Variants in TRIM5 observed in about 807,000 individuals in gnomAD.
TRIM5 encodes the protein tripartite motif containing 5.
TRIM5 carries 31 observed loss-of-function variants against 35.6 expected under a neutral mutation model. That is an observed-to-expected ratio of 0.87 (90% CI 0.65 to 1.18). The LOEUF is 1.18. Among genes scored for constraint, TRIM5 ranks in the 50% most tolerant of loss-of-function variants. TRIM5 has a pLI of 0.00. For synonymous variants in TRIM5, 243 were observed against 215.6 expected, an observed-to-expected ratio of 1.13 and a Z score of -1.11; for missense variants, 609 against 591.6, an observed-to-expected ratio of 1.03 and a Z score of -0.31.
At chr11:5,667,083 C>G (rs557611720) in intron 5 of TRIM5, among the ~76,000 whole-genome samples, 1 of 152,260 alleles carries the variant, frequency 6.6e-6, no homozygotes, top group Admixed American at 6.5e-5. Context: ...GGTGATGGCG[C>G]AGGGGTCCAA....
chr11:5,662,033 C>T (rs1850844790), downstream of TRIM5, among the ~76,000 whole-genome samples: 1 of 152,186 alleles, frequency 6.6e-6, no homozygotes, highest in African/African-American at 2.4e-5. Context: ...AAGCCTCAAT[C>T]TTCATAGCAT....
Position 5,664,358 on chromosome 11 carries a change from T to TA in TRIM5, c.*450dup. 2.0e-6 allele frequency: 2 copies of TA among 993,108 alleles called. No individual in the cohort carries two copies. Among genetic ancestry groups the TA allele is most frequent in the Non-Finnish European group, 2.4e-6 (2 of 834,342 alleles). 61.5% of individuals were successfully genotyped at this position (993,108 alleles called of 1,614,324 possible). On this transcript the variant is annotated 3_prime_UTR_variant, in exon 8 of 8. Coordinates refer to ENST00000380034, the MANE Select transcript of TRIM5 (RefSeq NM_033034.3). The stretch of plus-strand genomic sequence containing the variant: ...ATACTTAAGAGTATACCATTTATGA[T>TA]ATTTTCTCTTTAACTCACAAATAAG...
chr11:5,668,589 A>G (rs1307905715), intron 4 of TRIM5, among the ~76,000 whole-genome samples: 1 of 151,790 alleles, frequency 6.6e-6, no homozygotes, highest in Non-Finnish European at 1.5e-5. Context: ...AGCTGGGATT[A>G]CTGGCGCCCA....
the TRIM5 span, chr11:5,605,373 G>C: frequency 6.2e-7 from 1 of 1,614,176 alleles, no homozygotes; most frequent in Admixed American, 1.7e-5. Context: ...GATCCAGACA[G>C]AGTTTAATCA....
At chr11:5,611,411 G>A in the TRIM5 span, 1 of 1,254,206 alleles carries the variant, frequency 8.0e-7, no homozygotes, top group East Asian at 2.3e-5. Flanking sequence ...TCTCCCTTCT[G>A]ATCTTCTGTT....
At chr11:5,644,884 G>A in the TRIM5 span, among the ~76,000 whole-genome samples, 65 of 152,218 alleles carry the variant, frequency 4.3e-4, no homozygotes, top group South Asian at 8.3e-4. Context: ...GGAGGGCCTC[G>A]CACCATCCCC....
At chr11:5,603,654 CA>C in the TRIM5 span, 28 of 1,613,318 alleles carry the variant, frequency 1.7e-5, 1 homozygote, top group Non-Finnish European at 1.6e-5. Flanking sequence ...ATGGGAAGGT[CA>C]TTTGCTGGCT....
chr11:5,605,582 G>A, the TRIM5 span: 4 of 1,607,822 alleles, frequency 2.5e-6, no homozygotes, highest in Admixed American at 3.4e-5. Context: ...GGCTTGTGAA[G>A]GAGCCCAGAT....
the TRIM5 span, among the ~76,000 whole-genome samples, chr11:5,653,332 G>A: frequency 6.6e-6 from 1 of 152,104 alleles, no homozygotes; most frequent in East Asian, 1.9e-4. Flanking sequence ...ATATGTGTTA[G>A]TCCTTGGGCT....
the TRIM5 span, among the ~76,000 whole-genome samples, chr11:5,650,990 C>T: frequency 2.6e-5 from 4 of 152,178 alleles, no homozygotes; most frequent in Admixed American, 6.5e-5. Context: ...ACGCCTGTAT[C>T]AACTGCAGAG....
chr11:5,679,499 T>G (rs544255309), intron 2 of TRIM5, among the ~76,000 whole-genome samples: 43 of 152,260 alleles, frequency 2.8e-4, no homozygotes, highest in Non-Finnish European at 5.9e-4. Context: ...GAGCTTTTCT[T>G]GGACACCAAA....
chr11:5,665,423 G>C, intron 7 of TRIM5, 28 bp from the exon 8 acceptor site: 1 of 1,565,430 alleles, frequency 6.4e-7, no homozygotes, highest in Non-Finnish European at 8.6e-7. Flanking sequence ...GGTCAGCTAA[G>C]GGATATAATG....
At chr11:5,684,244 ACTC>A (rs1049659731) in intron 1 of TRIM5, 3 of 152,094 alleles carry the variant, frequency 2.0e-5, no homozygotes, top group African/African-American at 7.3e-5. Flanking sequence ...ATAGGCTAAC[ACTC>A]CTTTCTCTCC....
chr11:5,634,890 T>C, the TRIM5 span: 3 of 1,602,826 alleles, frequency 1.9e-6, no homozygotes, highest in Admixed American at 1.7e-5. Flanking sequence ...TCTGAGATTC[T>C]GGGAACACAG....
chr11:5,603,801 A>T, the TRIM5 span: 2 of 1,574,704 alleles, frequency 1.3e-6, no homozygotes, highest in Non-Finnish European at 1.7e-6. Context: ...ACGTTTTATC[A>T]TGCTCTGATC....
the TRIM5 span, chr11:5,643,597 A>G: frequency 6.2e-7 from 1 of 1,614,122 alleles, no homozygotes; most frequent in Admixed American, 1.7e-5. Flanking sequence ...GTCACAAGCC[A>G]TGGCTCCCTC....
chr11:5,651,968 C>T, the TRIM5 span, among the ~76,000 whole-genome samples: 2 of 152,114 alleles, frequency 1.3e-5, no homozygotes, highest in Non-Finnish European at 2.9e-5. Context: ...TGTTCATGTT[C>T]TGTGCCCATA....
intron 4 of TRIM5, among the ~76,000 whole-genome samples, chr11:5,676,321 C>A (rs1851977720): frequency 6.6e-6 from 1 of 152,014 alleles, no homozygotes; most frequent in South Asian, 2.1e-4. Context: ...AACAGACAAA[C>A]AGAGAGCCAA....
chr11:5,669,018 T>C (rs1851354618), intron 4 of TRIM5, among the ~76,000 whole-genome samples: 4 of 152,122 alleles, frequency 2.6e-5, no homozygotes, highest in Middle Eastern at 3.4e-3. Context: ...TACTCAGTCA[T>C]TGTCCTAAAA....
Sources: gnomAD v4.1 joint callset for allele counts (sites outside exome capture counted in the v4.1 genomes callset) on GRCh38, gnomAD v4.1.1 for gene constraint, MANE v1.5 for transcripts, NCBI Gene and HGNC (gene_info 2026-07-23, HGNC 2026-07-21) for gene names.